Variants in AGPAT4 observed in about 807,000 individuals in gnomAD.
AGPAT4 encodes the protein 1-acyl-sn-glycerol-3-phosphate acyltransferase delta.
AGPAT4 carries 15 observed loss-of-function variants against 48.0 expected under a neutral mutation model. That is an observed-to-expected ratio of 0.31 (90% CI 0.21 to 0.48). The LOEUF (loss-of-function observed/expected upper bound fraction) is 0.48. Among genes scored for constraint, AGPAT4 ranks in the 20% least tolerant of loss-of-function variants. The pLI is 0.99. For synonymous variants in AGPAT4, 178 were observed against 198.7 expected, an observed-to-expected ratio of 0.90 and a Z score of 0.88; for missense variants, 314 against 482.5, an observed-to-expected ratio of 0.65 and a Z score of 3.27.
At chr6:161,152,680 C>G (rs1779626970) in intron 5 of AGPAT4, among the ~76,000 whole-genome samples, 1 of 152,156 alleles carries the variant, frequency 6.6e-6, no homozygotes, top group African/African-American at 2.4e-5. Flanking sequence ...TGGGTTCTAG[C>G]TCCCTCCAGG....
chr6:161,139,486 C>T lies in AGPAT4; in HGVS notation c.978G>A (p.Leu326=). Residue 326 remains leucine, a synonymous_variant, in exon 8 of 9, where the codon CTG becomes CTA. Coordinates refer to ENST00000320285, the MANE Select transcript of AGPAT4 (RefSeq NM_020133.3). The surrounding 1 kb of genome is among the most constrained non-coding windows in gnomAD (Gnocchi z 9.1). ...AAGACCCGCTCCTGATCATGCTGAC[C>T]AGGAACTGGAAGAAAGGGTAGAGCA... is the stretch of plus-strand genomic sequence containing the variant. ...SLVLYPFFQF[L]VSMIRSGSSL... The T allele has an allele frequency of 1.2e-6, 2 of 1,614,092 alleles. No individual in the cohort carries two copies. The highest frequency in any genetic ancestry group is 1.7e-6 in the Non-Finnish European group (2 of 1,180,020).
At position 161,261,002 on chromosome 6, in the gene AGPAT4, G is replaced by C. The variant is rs112982873; in HGVS notation, c.-90+12936C>G. Among the ~76,000 whole-genome samples the C allele has an allele frequency of 6.6e-6, 1 of 152,218 alleles. No individual in the cohort carries two copies. The highest frequency in any genetic ancestry group is 6.5e-5 in the Admixed American group (1 of 15,290). On this transcript the variant is annotated intron_variant, in intron 1 of 8. Coordinates refer to ENST00000320285, the MANE Select transcript of AGPAT4 (RefSeq NM_020133.3). The surrounding 1 kb of genome is among the most constrained non-coding windows in gnomAD (Gnocchi z 5.3). ...GGAGTGCACACTGAACCACGTCTTC[G>C]CCTTCTAGAATTTCCTGAGCAGGGC...
rs756998971 is a variant in AGPAT4, at chr6:161,139,650, G to A, written c.844-30C>T. 7 of 1,553,358 alleles carry A rather than the reference G, an allele frequency of 4.5e-6. No homozygotes were observed. The highest frequency in any genetic ancestry group is 1.8e-5 in the Admixed American group (1 of 54,284). On this transcript the variant is annotated intron_variant, in intron 7 of 8. Transcript: ENST00000320285. The surrounding 1 kb of genome is among the most constrained non-coding windows in gnomAD (Gnocchi z 9.1). Reference sequence around the variant, plus strand: ...GGGACAGGAAAGAGGACCCTCAGACGCCACACGGGGCTCGGTGGCAGGTCC... The same window carrying A: ...GGGACAGGAAAGAGGACCCTCAGACACCACACGGGGCTCGGTGGCAGGTCC...
rs1779297658 is a variant in AGPAT4 at position 161,142,845 on chromosome 6, T to G, written c.844-3225A>C. ...GCCAGGACTTGCAAAGGACTTACCA[T>G]GGGAGCCAAGCCTTGAGGCTCCCTG... On this transcript the variant is annotated intron_variant, in intron 7 of 8. Transcript: ENST00000320285. This position sits in a 1 kb window ranked among gnomAD's most constrained non-coding sequence, Gnocchi z 6.4. Among the ~76,000 whole-genome samples, 1 of 152,166 alleles carries G rather than the reference T, an allele frequency of 6.6e-6. No homozygotes were observed. Among genetic ancestry groups the G allele is most frequent in the South Asian group, 2.1e-4 (1 of 4,826 alleles).
Position 161,251,558 on chromosome 6 carries a change from CACA to C in AGPAT4, c.-89-19259_-89-19257del, listed in dbSNP as rs1183591506. Among the ~76,000 whole-genome samples the C allele has an allele frequency of 2.6e-5, 4 of 152,278 alleles. No individual in the cohort carries two copies. The East Asian group carries it at 7.7e-4, about 29-fold the overall frequency. ...TCTCCTCTTCCTCTCCCAGAGGCTG[CACA>C]ACGTTACCCTGCATTACAGACCAGC... On this transcript the variant is annotated intron_variant, in intron 1 of 8. Transcript: ENST00000320285. This position sits in a 1 kb window ranked among gnomAD's most constrained non-coding sequence, Gnocchi z 4.6.
At chr6:161,183,159 G>A (rs764852346) in intron 2 of AGPAT4, among the ~76,000 whole-genome samples, 3 of 152,140 alleles carry the variant, frequency 2.0e-5, no homozygotes, top group Non-Finnish European at 4.4e-5. Flanking sequence ...ACAACACCAA[G>A]TGTTTCTGAT....
rs1780864434 is a variant in AGPAT4, at chr6:161,189,561, C to CTCTGAAA, written c.179-23151_179-23145dup. ...CTCTGCACAGATGAAGAAGCTGAGG[C>CTCTGAAA]TCTGAAAGTCTTAGCAACTTGCCCC... On this transcript the variant is annotated intron_variant, in intron 2 of 8. Transcript: ENST00000320285. The surrounding 1 kb of genome is among the most constrained non-coding windows in gnomAD (Gnocchi z 5.3). 6.6e-6 allele frequency among the ~76,000 whole-genome samples: 1 copy of CTCTGAAA among 152,182 alleles called. No homozygotes were observed. Among genetic ancestry groups the CTCTGAAA allele is most frequent in the Non-Finnish European group, 1.5e-5 (1 of 68,026 alleles).
rs940285291 is a variant in AGPAT4, at chr6:161,221,689, G to C, written c.178+10347C>G. Among the ~76,000 whole-genome samples the C allele has an allele frequency of 1.3e-5, 2 of 152,176 alleles. No individual in the cohort carries two copies. The highest frequency in any genetic ancestry group is 3.9e-4 in the East Asian group (2 of 5,178). ...TTCTGGATTCCAGGAACCTCAGATC[G>C]GGGTGTTAGCAGGGTTGGTTCCTTC... On this transcript the variant is annotated intron_variant, in intron 2 of 8. Transcript: ENST00000320285. This position sits in a 1 kb window ranked among gnomAD's most constrained non-coding sequence, Gnocchi z 4.5.
rs886812295 is a variant in AGPAT4 at position 161,140,682 on chromosome 6, G to A, written c.844-1062C>T. On this transcript the variant is annotated intron_variant, in intron 7 of 8. Coordinates refer to ENST00000320285, the MANE Select transcript of AGPAT4 (RefSeq NM_020133.3). The surrounding 1 kb of genome is among the most constrained non-coding windows in gnomAD (Gnocchi z 6.5). ...AGCCAGGACCTGGGGGGAACAAGGA[G>A]CTGTGGCACCAGGATGCCCGCTGGC... Among the ~76,000 whole-genome samples, 5 of 152,224 alleles carry A rather than the reference G, an allele frequency of 3.3e-5. No homozygotes were observed. The highest frequency in any genetic ancestry group is 1.2e-4 in the African/African-American group (5 of 41,464).
Position 161,225,219 on chromosome 6 carries a change from C to G in AGPAT4, c.178+6817G>C, listed in dbSNP as rs966397981. Among the ~76,000 whole-genome samples, 1 of 152,196 alleles carries G rather than the reference C, an allele frequency of 6.6e-6. No individual in the cohort carries two copies. Among genetic ancestry groups the G allele is most frequent in the Non-Finnish European group, 1.5e-5 (1 of 68,032 alleles). Reference sequence around the variant, plus strand: ...GACTCATTCTGATTCCGTCCCCTGTCATAACCATTTTTCCCGCCAAACCAC... The same window carrying G: ...GACTCATTCTGATTCCGTCCCCTGTGATAACCATTTTTCCCGCCAAACCAC... On this transcript the variant is annotated intron_variant, in intron 2 of 8. Transcript: ENST00000320285. The surrounding 1 kb of genome is among the most constrained non-coding windows in gnomAD (Gnocchi z 5.0).
rs1781941047 is a variant in AGPAT4, at chr6:161,225,147, C to T, written c.178+6889G>A. On this transcript the variant is annotated intron_variant, in intron 2 of 8. Coordinates refer to ENST00000320285, the MANE Select transcript of AGPAT4 (RefSeq NM_020133.3). This position sits in a 1 kb window ranked among gnomAD's most constrained non-coding sequence, Gnocchi z 5.0. ...TTACCTGCTCCACCCTGACTCCTTC[C>T]GATGACCTGCTCCACCCTGACTCAT... 6.6e-6 allele frequency among the ~76,000 whole-genome samples: 1 copy of T among 152,106 alleles called. No homozygotes were observed. Among genetic ancestry groups the T allele is most frequent in the African/African-American group, 2.4e-5 (1 of 41,418 alleles).
intron 2 of AGPAT4, among the ~76,000 whole-genome samples, chr6:161,207,477 T>C (rs1007087238): frequency 2.6e-5 from 4 of 152,160 alleles, no homozygotes; most frequent in Non-Finnish European, 4.4e-5. Context: ...AGTAAGAAGA[T>C]AAAACAAGTG....
Position 161,229,746 on chromosome 6 carries a change from G to A in AGPAT4, c.178+2290C>T, listed in dbSNP as rs1391228506. Among the ~76,000 whole-genome samples, 1 of 152,046 alleles carries A rather than the reference G, an allele frequency of 6.6e-6. No individual in the cohort carries two copies. The highest frequency in any genetic ancestry group is 2.4e-5 in the African/African-American group (1 of 41,390). On this transcript the variant is annotated intron_variant, in intron 2 of 8. Coordinates refer to ENST00000320285, the MANE Select transcript of AGPAT4 (RefSeq NM_020133.3). The surrounding 1 kb of genome is among the most constrained non-coding windows in gnomAD (Gnocchi z 6.0). ...AGTAGCCAGGACTCCTCCTCTAGAGGGAGGAATCTTCCCTTCCCGCTTCGG... is the reference window on the plus strand; with the variant it reads ...AGTAGCCAGGACTCCTCCTCTAGAGAGAGGAATCTTCCCTTCCCGCTTCGG...
intron 2 of AGPAT4, among the ~76,000 whole-genome samples, chr6:161,230,453 G>A (rs774362315): frequency 6.6e-6 from 1 of 152,166 alleles, no homozygotes; most frequent in Non-Finnish European, 1.5e-5. Flanking sequence ...CTTAAATAGA[G>A]ACCAACTGCT....
rs1779448877 is a variant in AGPAT4, at chr6:161,146,910, CTGA to C, written c.768-314_768-312del. On this transcript the variant is annotated intron_variant, in intron 6 of 8. Transcript: ENST00000320285. This position sits in a 1 kb window ranked among gnomAD's most constrained non-coding sequence, Gnocchi z 7.1. ...CACCTCACAAAAAGGCCCCCAAAAC[CTGA>C]TATTTGCCTCTTCCAAAGAGGACAA... Among the ~76,000 whole-genome samples the C allele has an allele frequency of 6.6e-6, 1 of 152,168 alleles. No individual in the cohort carries two copies. Among genetic ancestry groups the C allele is most frequent in the Non-Finnish European group, 1.5e-5 (1 of 68,042 alleles).
intron 2 of AGPAT4, among the ~76,000 whole-genome samples, chr6:161,191,135 TGACAAA>T (rs1780912625): frequency 6.6e-6 from 1 of 152,190 alleles, no homozygotes; most frequent in South Asian, 2.1e-4. Flanking sequence ...CCACACCTAG[TGACAAA>T]TGGTTTACAA....
At position 161,142,519 on chromosome 6, in the gene AGPAT4, T is replaced by C. The variant is rs1292679927; in HGVS notation, c.844-2899A>G. ...AGCCAAGAGGAGAACGAGATCCTAT[T>C]GAGAGGCGGCAGATCCCCGGACGAA... On this transcript the variant is annotated intron_variant, in intron 7 of 8. Coordinates refer to ENST00000320285, the MANE Select transcript of AGPAT4 (RefSeq NM_020133.3). The surrounding 1 kb of genome is among the most constrained non-coding windows in gnomAD (Gnocchi z 6.4). Among the ~76,000 whole-genome samples, 2 of 152,098 alleles carry C rather than the reference T, an allele frequency of 1.3e-5. No homozygotes were observed. Among genetic ancestry groups the C allele is most frequent in the Non-Finnish European group, 2.9e-5 (2 of 68,022 alleles).
rs1782465819 is a variant in AGPAT4, at chr6:161,240,979, C to T, written c.-89-8677G>A. Among the ~76,000 whole-genome samples, 1 of 152,026 alleles carries T rather than the reference C, an allele frequency of 6.6e-6. No individual in the cohort carries two copies. The highest frequency in any genetic ancestry group is 6.6e-5 in the Admixed American group (1 of 15,260). On this transcript the variant is annotated intron_variant, in intron 1 of 8. Transcript: ENST00000320285. The surrounding 1 kb of genome is among the most constrained non-coding windows in gnomAD (Gnocchi z 5.5). ...TAGTCCTCAATTAAAAAATAATCAT[C>T]ATCGGCCAGGTGCAGCGGCTCACAC... is the stretch of plus-strand genomic sequence containing the variant.
intron 2 of AGPAT4, among the ~76,000 whole-genome samples, chr6:161,207,165 C>T (rs1038266245): frequency 4.6e-5 from 7 of 152,178 alleles, no homozygotes; most frequent in African/African-American, 7.2e-5. Context: ...GAAGTGTGGA[C>T]AATCAATTAG....
Sources: allele counts gnomAD v4.1 joint callset (sites outside exome capture counted in the v4.1 genomes callset), GRCh38; gene constraint gnomAD v4.1.1; non-coding constraint Gnocchi (gnomAD v3.1); transcripts MANE v1.5; gene names NCBI Gene and HGNC (gene_info 2026-07-23, HGNC 2026-07-21).